Variants in DHX35 observed in about 807,000 individuals in gnomAD.
DHX35 encodes DEAH-box helicase 35.
In DHX35, 84 loss-of-function variants were observed where a neutral mutation model predicts 99.6. That is an observed-to-expected ratio of 0.84 (90% CI 0.71 to 1.01). The LOEUF is 1.01. Ranked by LOEUF, DHX35 falls within the 50% of genes least tolerant of loss-of-function variation. The pLI, the probability that DHX35 is intolerant of heterozygous loss-of-function variation, is 0.00. For synonymous variants in DHX35, 331 were observed against 316.2 expected (o/e 1.05, Z -0.50); for missense variants, 852 against 888.5 (o/e 0.96, Z 0.52).
intron 8 of DHX35, among the ~76,000 whole-genome samples, chr20:38,996,814 T>C (rs901297994): frequency 1.3e-5 from 2 of 152,198 alleles, no homozygotes; most frequent in Admixed American, 1.3e-4. Context: ...GGGTTAAAGC[T>C]CCTCTGTTGC....
chr20:38,980,456 T>G (rs2086154112), intron 3 of DHX35, among the ~76,000 whole-genome samples: 2 of 152,098 alleles, frequency 1.3e-5, no homozygotes, highest in South Asian at 2.1e-4. Flanking sequence ...CTCAGTACAG[T>G]TCCTGGCACT....
At chr20:38,978,370 A>T (rs2086115714) in intron 3 of DHX35, 2 of 719,536 alleles carry the variant, frequency 2.8e-6, no homozygotes, top group African/African-American at 3.5e-5. Flanking sequence ...ACAACCAAAA[A>T]GATAGTTCTG....
rs76669082 is a variant in DHX35, at chr20:39,024,207, A to G, written c.1671+440A>G. 8.6e-3 allele frequency among the ~76,000 whole-genome samples: 1,316 copies of G among 152,334 alleles called. 22 individuals carry two copies. Among genetic ancestry groups the G allele is most frequent in the African/African-American group, 0.03 (1,248 of 41,554 alleles). On this transcript the variant is annotated intron_variant, in intron 17 of 21. Transcript: ENST00000252011. ...GAAGACATTTAGTTGAGATCTGTGC[A>G]TATTCACATATCCCACCCATATTTA...
At chr20:39,031,764 A>G (rs1256130356) in intron 20 of DHX35, among the ~76,000 whole-genome samples, 1 of 152,218 alleles carries the variant, frequency 6.6e-6, no homozygotes, top group Non-Finnish European at 1.5e-5. Context: ...GGCAGGCTTC[A>G]TGGAGGAGAT....
At chr20:39,038,223 G>T (rs913280068) in intron 21 of DHX35, among the ~76,000 whole-genome samples, 1 of 152,228 alleles carries the variant, frequency 6.6e-6, no homozygotes, top group Non-Finnish European at 1.5e-5. Context: ...GTCTCAAAAA[G>T]AAAACCTTTC....
At chr20:39,000,993 C>T (rs75720708) in intron 8 of DHX35, among the ~76,000 whole-genome samples, 6,853 of 152,208 alleles carry the variant, frequency 0.045, 358 homozygotes, top group East Asian at 0.29. Context: ...GGTGGCGTTT[C>T]CTTCCCCCAT....
chr20:39,013,056 C>T (rs906837008), intron 13 of DHX35, among the ~76,000 whole-genome samples: 1 of 151,496 alleles, frequency 6.6e-6, no homozygotes. Context: ...TGTGATAATG[C>T]TTATAGCATT....
intron 2 of DHX35, among the ~76,000 whole-genome samples, chr20:38,970,241 A>G (rs561236579): frequency 1.3e-5 from 2 of 152,276 alleles, no homozygotes; most frequent in Admixed American, 1.3e-4. Context: ...ATACTCATGG[A>G]GTTCTTTTGA....
At chr20:39,009,231 CA>C (rs1172881778) in intron 12 of DHX35, among the ~76,000 whole-genome samples, 2 of 152,178 alleles carry the variant, frequency 1.3e-5, no homozygotes, top group African/African-American at 4.8e-5. Context: ...AGCTGTACCC[CA>C]AATTCTCTTG....
At chr20:39,011,626 C>G (rs931360208) in intron 13 of DHX35, among the ~76,000 whole-genome samples, 1 of 152,210 alleles carries the variant, frequency 6.6e-6, no homozygotes, top group East Asian at 1.9e-4. Flanking sequence ...TAGGCGTGAG[C>G]CACCACCCCC....
chr20:38,995,128 C>T lies in DHX35; in HGVS notation c.642+248C>T, dbSNP rs183622892. On this transcript the variant is annotated intron_variant, in intron 8 of 21. Coordinates refer to ENST00000252011, the MANE Select transcript of DHX35 (RefSeq NM_021931.4). ...TATCTACATACTGTCTTTCTCCCCACTTACACAGCTTCTTTTTGTTGTTTT... is the reference window on the plus strand; with the variant it reads ...TATCTACATACTGTCTTTCTCCCCATTTACACAGCTTCTTTTTGTTGTTTT... Among the ~76,000 whole-genome samples, 7 of 152,360 alleles carry T rather than the reference C, an allele frequency of 4.6e-5. No homozygotes were observed. The East Asian group carries it at 1.3e-3, about 29-fold the overall frequency.
intron 3 of DHX35, among the ~76,000 whole-genome samples, chr20:38,978,996 G>T (rs1454834519): frequency 1.3e-5 from 2 of 152,104 alleles, no homozygotes; most frequent in African/African-American, 2.4e-5. Flanking sequence ...AAAATCACTT[G>T]ACTTTAAATG....
At position 38,974,015 on chromosome 20, in the gene DHX35, CTTG is replaced by C. The variant is rs1362274207; in HGVS notation, c.267+1366_267+1368del. On this transcript the variant is annotated intron_variant, in intron 3 of 21. Transcript: ENST00000252011. The stretch of plus-strand genomic sequence containing the variant: ...TAGTGCTGCTGTGAACATTCATGTG[CTTG>C]TCTTTGGTGAACGTATGTGCACATT... Among the ~76,000 whole-genome samples, 4 of 152,266 alleles carry C rather than the reference CTTG, an allele frequency of 2.6e-5. No homozygotes were observed. In the East Asian group the frequency reaches 7.7e-4, roughly 29 times the overall value.
Position 39,010,348 on chromosome 20 carries a change from A to C in DHX35, c.1291A>C (p.Ile431Leu). The change falls in exon 13 of 22, where the codon ATC becomes CTC. Residue 431 changes from isoleucine to leucine, a missense_variant. By Grantham distance (5) the Ile-to-Leu change is conservative (BLOSUM62 2). Transcript: ENST00000252011. ...GCAGCGTAGTAATTTGGCACCTGTC[A>C]TCCTGCAGCTGAAAGCACTAGGAAT... ...EMQRSNLAPV[I>L]LQLKALGIDN... 1 of 1,614,168 alleles carries C rather than the reference A, an allele frequency of 6.2e-7. No individual in the cohort carries two copies. Among genetic ancestry groups the C allele is most frequent in the South Asian group, 1.1e-5 (1 of 91,088 alleles).
intron 14 of DHX35, among the ~76,000 whole-genome samples, chr20:39,015,345 G>A (rs963417401): frequency 1.3e-5 from 2 of 152,164 alleles, no homozygotes; most frequent in Non-Finnish European, 2.9e-5. Context: ...GGAGTTGCTT[G>A]TGGAGAATTG....
intron 3 of DHX35, among the ~76,000 whole-genome samples, chr20:38,973,090 G>T (rs2086027512): frequency 6.6e-6 from 1 of 152,186 alleles, no homozygotes. Flanking sequence ...TAGAAAGAAG[G>T]ATCAAGAAAG....
intron 2 of DHX35, among the ~76,000 whole-genome samples, chr20:38,971,667 G>T (rs1340295248): frequency 6.6e-6 from 1 of 152,080 alleles, no homozygotes; most frequent in Non-Finnish European, 1.5e-5. Context: ...AACAGTCTAC[G>T]CATAAACAAG....
chr20:38,988,747 C>T (rs1316559906), intron 4 of DHX35, 66 bp from the exon 5 acceptor site: 6 of 1,593,708 alleles, frequency 3.8e-6, no homozygotes, highest in Non-Finnish European at 4.3e-6. Context: ...TTTAGATTTT[C>T]CATAGTATGT....
intron 8 of DHX35, among the ~76,000 whole-genome samples, chr20:39,000,028 G>A (rs1458731066): frequency 6.6e-6 from 1 of 152,202 alleles, no homozygotes; most frequent in Non-Finnish European, 1.5e-5. Context: ...TTTTGCAGAT[G>A]AGAGAGCTGA....
Sources: allele counts gnomAD v4.1 joint callset (sites outside exome capture counted in the v4.1 genomes callset), GRCh38; gene constraint gnomAD v4.1.1; transcripts MANE v1.5; gene names NCBI Gene and HGNC (gene_info 2026-07-23, HGNC 2026-07-21).